GPC6: variants seen among roughly 807,000 people sequenced by gnomAD.
GPC6 encodes glypican-6.
In GPC6, 14 loss-of-function variants were observed where a neutral mutation model predicts 55.2. The observed-to-expected ratio is 0.25, with a 90% CI of 0.17 to 0.40. GPC6 has a LOEUF of 0.40. Among genes scored for constraint, GPC6 ranks in the 10% least tolerant of loss-of-function variants. The pLI is 1.00. For missense variants in GPC6, 641 were observed against 708.5 expected, an observed-to-expected ratio of 0.90 and a Z score of 1.08; for synonymous variants, 278 against 259.6, an observed-to-expected ratio of 1.07 and a Z score of -0.68.
At chr13:93,955,222 A>G (rs1234543276) in intron 3 of GPC6, among the ~76,000 whole-genome samples, 1 of 148,896 alleles carries the variant, frequency 6.7e-6, no homozygotes, top group African/African-American at 2.5e-5. Context: ...GGTTATTTGG[A>G]CATAACTCTT....
At chr13:94,372,372 G>C (rs976960887) in intron 6 of GPC6, among the ~76,000 whole-genome samples, 1 of 152,288 alleles carries the variant, frequency 6.6e-6, no homozygotes, top group East Asian at 1.9e-4. Flanking sequence ...TGCGCGAGCC[G>C]AAGCAGGGCG....
At chr13:94,247,924 A>G (rs1891244705) in intron 4 of GPC6, among the ~76,000 whole-genome samples, 1 of 151,864 alleles carries the variant, frequency 6.6e-6, no homozygotes, top group East Asian at 1.9e-4. Context: ...GCAGCCTTAA[A>G]CTTCTGGGCT....
At chr13:93,373,079 A>T (rs78366481) in intron 1 of GPC6, among the ~76,000 whole-genome samples, 1 of 152,210 alleles carries the variant, frequency 6.6e-6, no homozygotes, top group Non-Finnish European at 1.5e-5. Flanking sequence ...TCTGTGGTGT[A>T]TAATAGTACA....
At chr13:93,486,084 C>T (rs779163763) in intron 1 of GPC6, among the ~76,000 whole-genome samples, 2 of 151,844 alleles carry the variant, frequency 1.3e-5, no homozygotes, top group South Asian at 2.1e-4. Flanking sequence ...ATGAATGTGA[C>T]CAAGAAAGAG....
At chr13:94,131,505 G>A (rs1001857284) in intron 4 of GPC6, among the ~76,000 whole-genome samples, 1 of 152,028 alleles carries the variant, frequency 6.6e-6, no homozygotes, top group African/African-American at 2.4e-5. Context: ...TTTCAAGTTT[G>A]AATGTCAATT....
intron 6 of GPC6, among the ~76,000 whole-genome samples, chr13:94,319,063 C>T (rs1431117375): frequency 6.6e-6 from 1 of 152,028 alleles, no homozygotes; most frequent in Non-Finnish European, 1.5e-5. Flanking sequence ...ACTTAGTTCA[C>T]CTAAATGTAC....
At chr13:94,151,540 G>A (rs1037561762) in intron 4 of GPC6, among the ~76,000 whole-genome samples, 15 of 152,036 alleles carry the variant, frequency 9.9e-5, no homozygotes, top group Non-Finnish European at 1.9e-4. Flanking sequence ...AAATTCGAAT[G>A]GTTATTTGAG....
At chr13:93,414,847 A>C (rs574081614) in intron 1 of GPC6, among the ~76,000 whole-genome samples, 1 of 152,244 alleles carries the variant, frequency 6.6e-6, no homozygotes, top group Non-Finnish European at 1.5e-5. Context: ...AGGTGAACTA[A>C]ACTTAGTCCC....
intron 3 of GPC6, among the ~76,000 whole-genome samples, chr13:93,944,179 T>G (rs1878876810): frequency 1.2e-4 from 1 of 8,654 alleles, no homozygotes; most frequent in South Asian, 3.6e-3. Context: ...ATTTTATTTA[T>G]TTATTTATTT....
intron 1 of GPC6, among the ~76,000 whole-genome samples, chr13:93,431,729 G>A (rs1234463218): frequency 6.6e-6 from 1 of 152,148 alleles, no homozygotes; most frequent in East Asian, 1.9e-4. Context: ...AATTTTGAAT[G>A]AAGGATGAGA....
intron 1 of GPC6, among the ~76,000 whole-genome samples, chr13:93,291,058 G>C (rs1169946287): frequency 6.6e-6 from 1 of 152,024 alleles, no homozygotes; most frequent in African/African-American, 2.4e-5. Flanking sequence ...AAATTAATTA[G>C]GCATCTCTAC....
chr13:94,374,324 C>A (rs1879732629), intron 6 of GPC6, among the ~76,000 whole-genome samples: 1 of 151,404 alleles, frequency 6.6e-6, no homozygotes, highest in African/African-American at 2.4e-5. Flanking sequence ...AAACCCATCT[C>A]ACGTGCAGAG....
intron 4 of GPC6, among the ~76,000 whole-genome samples, chr13:94,050,635 ACCT>A (rs1367675040): frequency 6.6e-6 from 1 of 152,082 alleles, no homozygotes; most frequent in Non-Finnish European, 1.5e-5. Context: ...CTTCTGGGTG[ACCT>A]CCTGGCACCA....
At chr13:93,514,665 C>G (rs1881115365) in intron 1 of GPC6, among the ~76,000 whole-genome samples, 1 of 152,098 alleles carries the variant, frequency 6.6e-6, no homozygotes, top group Non-Finnish European at 1.5e-5. Context: ...TTAGGTATGG[C>G]TACATGATTT....
At chr13:93,592,531 A>G (rs1366125647) in intron 2 of GPC6, among the ~76,000 whole-genome samples, 4 of 150,748 alleles carry the variant, frequency 2.7e-5, no homozygotes, top group Non-Finnish European at 5.9e-5. Context: ...TTACAGGTGT[A>G]GCCACCACAC....
In GPC6 at chr13:93,830,524, A is replaced by G. The variant is rs1053173647; in HGVS notation, c.690A>G (p.Glu230=). ...TFVQGLTVGR[E]VANRVSKVSP... The stretch of plus-strand genomic sequence containing the variant: ...TCCAGGGGCTGACTGTGGGCAGAGA[A>G]GTTGCAAACCGAGTTTCCAAGGTAA... Residue 230 remains glutamate, a synonymous_variant, in exon 3 of 9, where the codon GAA becomes GAG. Coordinates refer to ENST00000377047, the MANE Select transcript of GPC6 (RefSeq NM_005708.5). The G allele has an allele frequency of 4.3e-6, 7 of 1,610,992 alleles. No individual in the cohort carries two copies. Among genetic ancestry groups the G allele is most frequent in the Non-Finnish European group, 5.9e-6 (7 of 1,178,682 alleles).
intron 2 of GPC6, among the ~76,000 whole-genome samples, chr13:93,781,601 G>T (rs552602373): frequency 2.6e-5 from 4 of 152,232 alleles, no homozygotes; most frequent in African/African-American, 9.6e-5. Flanking sequence ...CCTTTCAAAG[G>T]CCATTAGTGA....
At chr13:94,326,091 C>T (rs1171096246) in intron 6 of GPC6, among the ~76,000 whole-genome samples, 1 of 152,140 alleles carries the variant, frequency 6.6e-6, no homozygotes, top group African/African-American at 2.4e-5. Flanking sequence ...TCTCCATGCC[C>T]TCACTTTACC....
intron 1 of GPC6, among the ~76,000 whole-genome samples, chr13:93,482,951 A>G (rs1331788101): frequency 1.3e-5 from 2 of 152,126 alleles, no homozygotes; most frequent in South Asian, 2.1e-4. Context: ...ATTTTAGAGT[A>G]CAAGAGTGCA....
Sources: allele counts gnomAD v4.1 joint callset (sites outside exome capture counted in the v4.1 genomes callset), GRCh38; gene constraint gnomAD v4.1.1; transcripts MANE v1.5; gene names NCBI Gene and HGNC (gene_info 2026-07-23, HGNC 2026-07-21).